Variants in ZMIZ1 observed in about 807,000 individuals in gnomAD.
ZMIZ1 encodes zinc finger MIZ domain-containing protein 1.
Under a neutral mutation model 113.9 loss-of-function variants are expected in ZMIZ1, and 17 were observed. The observed-to-expected ratio is 0.15, with a 90% CI of 0.10 to 0.22. The LOEUF is 0.22. Among genes scored for constraint, ZMIZ1 ranks in the 10% least tolerant of loss-of-function variants. The pLI is 1.00. For missense variants in ZMIZ1, 1,059 were observed against 1,477.8 expected (o/e 0.72, Z 4.65); for synonymous variants, 607 against 603.1 (o/e 1.01, Z -0.09).
chr10:79,164,220 G>A (rs978558761), intron 4 of ZMIZ1, among the ~76,000 whole-genome samples: 5 of 152,220 alleles, frequency 3.3e-5, no homozygotes, highest in African/African-American at 1.2e-4. Flanking sequence ...GTGGGGCTCC[G>A]CTCTTGACCA....
rs750442718 is a variant in ZMIZ1 at position 79,305,519 on chromosome 10, A to G, written c.2355-14A>G. ...TCCTGGAGCAGAGGCCAAGCTCCCCATCTCCTTTTCCAGTAAAACCGCTCT... is the reference window on the plus strand; with the variant it reads ...TCCTGGAGCAGAGGCCAAGCTCCCCGTCTCCTTTTCCAGTAAAACCGCTCT... On this transcript the variant is annotated splice_polypyrimidine_tract_variant and intron_variant, in intron 20 of 24. Transcript: ENST00000334512. 2.5e-6 allele frequency: 4 copies of G among 1,613,828 alleles called. No individual in the cohort carries two copies. The highest frequency in any genetic ancestry group is 1.6e-4 in the Middle Eastern group (1 of 6,062).
chr10:79,121,562 A>C (rs1196860866), intron 2 of ZMIZ1, among the ~76,000 whole-genome samples: 2 of 152,200 alleles, frequency 1.3e-5, no homozygotes, highest in African/African-American at 4.8e-5. Context: ...TGTCCTTTGG[A>C]AACTTGGCCA....
chr10:79,277,176 T>A lies in ZMIZ1; in HGVS notation c.281-5T>A, dbSNP rs1211317214. On this transcript the variant is annotated splice_region_variant and splice_polypyrimidine_tract_variant and intron_variant, in intron 7 of 24. Coordinates refer to ENST00000334512, the MANE Select transcript of ZMIZ1 (RefSeq NM_020338.4). The stretch of plus-strand genomic sequence containing the variant: ...CACCCACTGACTGTCCTGTCCTTCC[T>A]GCAGCCTTGTTGTCCTCCTGGTGCG... The A allele has an allele frequency of 2.0e-6, 3 of 1,532,456 alleles. No homozygotes were observed. The highest frequency in any genetic ancestry group is 2.5e-5 in the South Asian group (2 of 81,148). The allele number at this position is 1,532,456 out of a possible 1,614,324, so 94.9% of individuals were successfully genotyped here.
intron 7 of ZMIZ1, among the ~76,000 whole-genome samples, chr10:79,234,128 A>C (rs892924495): frequency 2.0e-5 from 3 of 152,204 alleles, no homozygotes; most frequent in African/African-American, 7.2e-5. Context: ...GTTTTAGACA[A>C]GGGATGACAT....
At chr10:79,116,145 C>A (rs1331859524) in intron 1 of ZMIZ1, among the ~76,000 whole-genome samples, 5 of 152,108 alleles carry the variant, frequency 3.3e-5, no homozygotes, top group Admixed American at 1.3e-4. Flanking sequence ...CAGCCCCACC[C>A]TCCATCTCTG....
intron 6 of ZMIZ1, among the ~76,000 whole-genome samples, chr10:79,210,231 G>A (rs781749287): frequency 3.9e-5 from 6 of 152,162 alleles, no homozygotes; most frequent in Non-Finnish European, 8.8e-5. Flanking sequence ...ACATTGCCCC[G>A]AGCCTGACCC....
rs1032867875 is a variant in ZMIZ1 at position 79,233,486 on chromosome 10, G to A, written c.280+17212G>A. On this transcript the variant is annotated intron_variant, in intron 7 of 24. Coordinates refer to ENST00000334512, the MANE Select transcript of ZMIZ1 (RefSeq NM_020338.4). ...CCTCAAGCCTCTTTCATAAGGCACT[G>A]GTCCCATTCATGAAGGTGTATTCCT... 3.3e-5 allele frequency among the ~76,000 whole-genome samples: 5 copies of A among 152,328 alleles called. No homozygotes were observed. In the East Asian group the frequency reaches 9.6e-4, roughly 29 times the overall value.
chr10:79,207,571 T>G (rs1462074205), intron 5 of ZMIZ1, among the ~76,000 whole-genome samples: 1 of 152,032 alleles, frequency 6.6e-6, no homozygotes. Flanking sequence ...CCCAGCACCC[T>G]GGCACCAGAA....
chr10:79,069,064 G>T lies in ZMIZ1; in HGVS notation c.-543G>T. The T allele has an allele frequency of 6.6e-6, 1 of 151,410 alleles. No individual in the cohort carries two copies. The highest frequency in any genetic ancestry group is 1.8e-4 in the South Asian group (1 of 5,616). The allele number at this position is 151,410 out of a possible 1,614,324, so 9.4% of individuals were successfully genotyped here. A position where few individuals can be genotyped will look rare whatever the true frequency, so the allele number is the denominator to read the frequency against. On this transcript the variant is annotated 5_prime_UTR_variant, in exon 1 of 25. Transcript: ENST00000334512. The surrounding 1 kb of genome is among the most constrained non-coding windows in gnomAD (Gnocchi z 4.6). ...CGCCGGGGAGAGCGGGCGGCCGGGC[G>T]GCAGGCGGGCGAGCAGCGATCGGGC...
At chr10:79,240,996 G>A (rs146168499) in intron 7 of ZMIZ1, among the ~76,000 whole-genome samples, 171 of 152,222 alleles carry the variant, frequency 1.1e-3, no homozygotes, top group Admixed American at 3.1e-3. Context: ...CCAAACATGC[G>A]GGTCTTTGGT....
intron 4 of ZMIZ1, among the ~76,000 whole-genome samples, chr10:79,185,249 C>T (rs1847305526): frequency 6.6e-6 from 1 of 152,154 alleles, no homozygotes; most frequent in Admixed American, 6.5e-5. Flanking sequence ...CCCCTCCCCC[C>T]GAAATGAGTT....
At chr10:79,148,730 G>T (rs962850594) in intron 3 of ZMIZ1, among the ~76,000 whole-genome samples, 1 of 152,210 alleles carries the variant, frequency 6.6e-6, no homozygotes. Context: ...TATCTCTGGG[G>T]TCACGAGGCT....
intron 7 of ZMIZ1, among the ~76,000 whole-genome samples, chr10:79,273,105 G>A (rs1469834293): frequency 1.3e-5 from 2 of 152,216 alleles, no homozygotes; most frequent in Non-Finnish European, 2.9e-5. Flanking sequence ...GGGGTCAGAA[G>A]CAGTGCATTT....
At chr10:79,206,156 A>G (rs1848310649) in intron 5 of ZMIZ1, among the ~76,000 whole-genome samples, 1 of 151,784 alleles carries the variant, frequency 6.6e-6, no homozygotes, top group Admixed American at 6.6e-5. Context: ...TTCTTCAGCA[A>G]TGAGGTGTAC....
chr10:79,128,654 G>A (rs1844622175), intron 2 of ZMIZ1, among the ~76,000 whole-genome samples: 1 of 152,182 alleles, frequency 6.6e-6, no homozygotes. Context: ...GGAAGGTCTT[G>A]AAGACCCAGG....
At chr10:79,143,977 C>G (rs1458354405) in intron 3 of ZMIZ1, among the ~76,000 whole-genome samples, 1 of 152,124 alleles carries the variant, frequency 6.6e-6, no homozygotes, top group African/African-American at 2.4e-5. Flanking sequence ...TCGGGAAAGT[C>G]AGGGGGAGAT....
chr10:79,315,653 C>A lies in ZMIZ1; in HGVS notation c.*2904C>A, dbSNP rs927178092. ...TTTTTTAAGAAACTGCTAATACTTT[C>A]TCCCTAATGGAAGCCCTGATCCCCC... On this transcript the variant is annotated 3_prime_UTR_variant, in exon 25 of 25. Transcript: ENST00000334512. 6.5e-6 allele frequency: 1 copy of A among 152,834 alleles called. No homozygotes were observed. The highest frequency in any genetic ancestry group is 2.4e-5 in the African/African-American group (1 of 41,466). 9.5% of individuals were successfully genotyped at this position (152,834 alleles called of 1,614,324 possible). A position where few individuals can be genotyped will look rare whatever the true frequency, so the allele number is the denominator to read the frequency against.
intron 1 of ZMIZ1, among the ~76,000 whole-genome samples, chr10:79,113,405 G>T (rs1843835306): frequency 6.6e-6 from 1 of 152,316 alleles, no homozygotes; most frequent in East Asian, 1.9e-4. Context: ...AGGTGCTGCT[G>T]CCCGGGCAGC....
intron 21 of ZMIZ1, 91 bp from the exon 22 acceptor site, chr10:79,306,009 G>A: frequency 6.5e-7 from 1 of 1,540,502 alleles, no homozygotes; most frequent in Non-Finnish European, 8.7e-7. Context: ...GCCTCAACAA[G>A]GTCACCTGGG....
Sources: gnomAD v4.1 joint callset for allele counts (sites outside exome capture counted in the v4.1 genomes callset) on GRCh38, gnomAD v4.1.1 for gene constraint, Gnocchi (gnomAD v3.1) non-coding constraint, MANE v1.5 for transcripts, NCBI Gene and HGNC (gene_info 2026-07-23, HGNC 2026-07-21) for gene names.